The following VEPH1 variants were observed in gnomAD, a reference collection of about 807,000 sequenced individuals.
VEPH1 encodes ventricular zone expressed PH domain containing 1, also known as ventricular zone-expressed PH domain-containing protein homolog 1.
In VEPH1, 80 loss-of-function variants were observed where a neutral mutation model predicts 85.2. The ratio of observed to expected loss-of-function variants is 0.94; its 90% CI spans 0.78 to 1.13. VEPH1 has a LOEUF of 1.13. Ranked by LOEUF, VEPH1 falls within the 50% of genes most tolerant of loss-of-function variation. VEPH1 has a pLI of 0.00. For missense variants in VEPH1, 955 were observed against 980.5 expected (o/e 0.97, Z 0.35); for synonymous variants, 297 against 348.0 (o/e 0.85, Z 1.63).
rs1488818888 is a variant in VEPH1 at position 157,313,710 on chromosome 3, A to G, written c.1921T>C (p.Phe641Leu). The stretch of plus-strand genomic sequence containing the variant: ...GTCTTCTCCCACAGAGCTCTGAGGA[A>G]TTGCACAGAATGACTCTGAATGGAC... ...PLSIQSHSVQ[F>L]LRALWEKTQA... The change falls in exon 11 of 14, where the codon TTC (phenylalanine) becomes CTC (leucine). Residue 641 changes from phenylalanine to leucine, a missense_variant. Phe to Leu is a conservative substitution (Grantham distance 22). Transcript: ENST00000362010. The G allele has an allele frequency of 6.2e-7, 1 of 1,614,130 alleles. No individual in the cohort carries two copies.
chr3:157,462,557 TG>T (rs1243917517), intron 3 of VEPH1, among the ~76,000 whole-genome samples: 1 of 152,214 alleles, frequency 6.6e-6, no homozygotes, highest in Non-Finnish European at 1.5e-5. Flanking sequence ...ATAAATATTA[TG>T]GGATATGTAA....
intron 6 of VEPH1, among the ~76,000 whole-genome samples, chr3:157,394,019 A>G (rs545962484): frequency 6.6e-6 from 1 of 152,222 alleles, no homozygotes; most frequent in Non-Finnish European, 1.5e-5. Context: ...AAACCCTGCT[A>G]GCACCACCTT....
intron 11 of VEPH1, among the ~76,000 whole-genome samples, chr3:157,296,257 A>G (rs1038673159): frequency 2.6e-5 from 4 of 152,366 alleles, no homozygotes; most frequent in Middle Eastern, 3.4e-3. Flanking sequence ...GTAAACATCT[A>G]TCTGTGGCAG....
At chr3:157,452,596 A>C (rs887030332) in intron 4 of VEPH1, among the ~76,000 whole-genome samples, 1 of 152,122 alleles carries the variant, frequency 6.6e-6, no homozygotes, top group Non-Finnish European at 1.5e-5. Flanking sequence ...CCTCATCACC[A>C]CCTTAGCTGA....
chr3:157,287,350 G>A (rs959554004), intron 11 of VEPH1, among the ~76,000 whole-genome samples: 70 of 151,550 alleles, frequency 4.6e-4, no homozygotes, highest in South Asian at 1.7e-3. Flanking sequence ...ACTCCAGCCC[G>A]GGTGACAGAG....
At chr3:157,363,230 TA>T in intron 9 of VEPH1, 133 bp downstream of exon 9, 2 of 810,100 alleles carry the variant, frequency 2.5e-6, no homozygotes, top group Non-Finnish European at 3.7e-6. Context: ...TAACATAATG[TA>T]AGGTATTTAA....
rs771728377 is a variant in VEPH1 at position 157,413,893 on chromosome 3, C to G, written c.894G>C (p.Gly298=). 1 of 1,613,248 alleles carries G rather than the reference C, an allele frequency of 6.2e-7. No individual in the cohort carries two copies. Among genetic ancestry groups the G allele is most frequent in the South Asian group, 1.1e-5 (1 of 91,014 alleles). ...AAGCCAAACTTACTTCATCCACATG[C>G]CCAACAGCTCCATAAATCCTTGCCA... The part of the protein sequence containing the change: ...GQMARIYGAV[G]HVDEERARSC... Residue 298 remains glycine (G), a synonymous_variant, in exon 6 of 14, where the codon GGG becomes GGC. Transcript: ENST00000362010.
chr3:157,468,976 A>G (rs970829420), intron 3 of VEPH1, among the ~76,000 whole-genome samples: 8 of 152,156 alleles, frequency 5.3e-5, no homozygotes, highest in African/African-American at 1.9e-4. Context: ...TGCCCTAAAG[A>G]CGAGTGGTTT....
chr3:157,400,118 G>A (rs1478637805), intron 6 of VEPH1, among the ~76,000 whole-genome samples: 1 of 151,988 alleles, frequency 6.6e-6, no homozygotes, highest in Non-Finnish European at 1.5e-5. Flanking sequence ...TTTTGATTCA[G>A]GAACACGCAC....
intron 6 of VEPH1, among the ~76,000 whole-genome samples, chr3:157,397,398 G>T (rs1308212255): frequency 1.3e-5 from 2 of 152,150 alleles, no homozygotes; most frequent in Non-Finnish European, 2.9e-5. Flanking sequence ...GTTTAGGATT[G>T]TCTTGGCTAT....
chr3:157,467,655 C>T (rs945866413), intron 3 of VEPH1, among the ~76,000 whole-genome samples: 9 of 152,212 alleles, frequency 5.9e-5, no homozygotes, highest in African/African-American at 2.2e-4. Context: ...GCAAGTTTGC[C>T]TTTAGGCCTT....
At chr3:157,485,810 A>G (rs1251047629) in intron 2 of VEPH1, among the ~76,000 whole-genome samples, 1 of 151,826 alleles carries the variant, frequency 6.6e-6, no homozygotes, top group East Asian at 1.9e-4. Context: ...GTAAAAAGAC[A>G]GACAAAGAAA....
At chr3:157,343,540 C>G (rs1211343499) in intron 9 of VEPH1, among the ~76,000 whole-genome samples, 3 of 152,014 alleles carry the variant, frequency 2.0e-5, no homozygotes, top group African/African-American at 7.2e-5. Flanking sequence ...AATTAATAGC[C>G]TACCAACCAA....
rs775237617 is a variant in VEPH1, at chr3:157,317,199, T to C, written c.1738A>G (p.Thr580Ala). The change falls in exon 10 of 14, where the codon ACT (threonine) becomes GCT (alanine). Residue 580 changes from threonine to alanine, a missense_variant and splice_region_variant. Coordinates refer to ENST00000362010, the MANE Select transcript of VEPH1 (RefSeq NM_001167912.2). ...PVPDQCTIED[T>A]VRSCVAKLFF... Reference sequence around the variant, plus strand: ...AACTTTGCTACACAACTTCTCACAGTGTCTAGAAACAAATACATATAGCGT... The same window carrying C: ...AACTTTGCTACACAACTTCTCACAGCGTCTAGAAACAAATACATATAGCGT... 4 of 1,610,624 alleles carry C rather than the reference T, an allele frequency of 2.5e-6. No homozygotes were observed. The African/African-American group carries it at 4.0e-5, about 16-fold the overall frequency.
At chr3:157,375,060 T>C (rs1727934104) in intron 7 of VEPH1, among the ~76,000 whole-genome samples, 1 of 152,234 alleles carries the variant, frequency 6.6e-6, no homozygotes, top group African/African-American at 2.4e-5. Context: ...ACTTTGTTCT[T>C]GCCTGTCTGC....
intron 9 of VEPH1, among the ~76,000 whole-genome samples, chr3:157,323,043 G>A (rs1451440617): frequency 6.6e-6 from 1 of 152,118 alleles, no homozygotes; most frequent in Non-Finnish European, 1.5e-5. Flanking sequence ...GAAAAAAATG[G>A]AAGAAGGCAT....
At chr3:157,383,766 T>C (rs1051302766) in intron 6 of VEPH1, among the ~76,000 whole-genome samples, 1 of 152,206 alleles carries the variant, frequency 6.6e-6, no homozygotes, top group African/African-American at 2.4e-5. Flanking sequence ...CAAAGAATAA[T>C]GTTAGATGAA....
chr3:157,286,834 A>C (rs1716844523), intron 11 of VEPH1, among the ~76,000 whole-genome samples, 160 bp from the exon 12 acceptor site: 1 of 152,154 alleles, frequency 6.6e-6, no homozygotes, highest in Non-Finnish European at 1.5e-5. Context: ...GGCCAACCTT[A>C]AAAAAAGCAT....
At chr3:157,272,328 CTCTT>C (rs1297892859) in intron 12 of VEPH1, among the ~76,000 whole-genome samples, 79 of 144,874 alleles carry the variant, frequency 5.5e-4, no homozygotes, top group South Asian at 4.3e-3. Context: ...CTCTCTCTCT[CTCTT>C]TCTTTCTTTC....
Sources: allele counts gnomAD v4.1 joint callset (sites outside exome capture counted in the v4.1 genomes callset), GRCh38; gene constraint gnomAD v4.1.1; transcripts MANE v1.5; gene names NCBI Gene and HGNC (gene_info 2026-07-23, HGNC 2026-07-21).